The following RERE variants were observed in gnomAD, a reference collection of about 807,000 sequenced individuals.
RERE encodes arginine-glutamic acid dipeptide repeats protein.
RERE carries 40 observed loss-of-function variants against 146.1 expected under a neutral mutation model. The ratio of observed to expected loss-of-function variants is 0.27; its 90% CI spans 0.21 to 0.36. The LOEUF (loss-of-function observed/expected upper bound fraction) is 0.36, where lower values mean the gene tolerates loss of function less well. Ranked by LOEUF, RERE falls within the 10% of genes least tolerant of loss-of-function variation. RERE has a pLI of 1.00. For synonymous variants in RERE, 1,003 were observed against 866.0 expected (o/e 1.16, Z -2.78); for missense variants, 1,933 against 2,138.7 (o/e 0.90, Z 1.90).
At chr1:8,654,046 G>C (rs980190287) in intron 2 of RERE, among the ~76,000 whole-genome samples, 47 of 151,140 alleles carry the variant, frequency 3.1e-4, no homozygotes, top group Admixed American at 7.2e-4. Context: ...TTTTTTGCGG[G>C]GGGGAGGGGT....
At chr1:8,365,503 C>A (rs775074606) in intron 13 of RERE, among the ~76,000 whole-genome samples, 3 of 152,196 alleles carry the variant, frequency 2.0e-5, no homozygotes, top group Non-Finnish European at 2.9e-5. Flanking sequence ...GGAAAACCTT[C>A]CCAGGACAAG....
chr1:8,549,912 G>A (rs1645913305), intron 6 of RERE, among the ~76,000 whole-genome samples: 1 of 152,192 alleles, frequency 6.6e-6, no homozygotes, highest in Admixed American at 6.5e-5. Flanking sequence ...GTCATGAATG[G>A]TAAGGAAAGA....
At chr1:8,604,355 G>A (rs1646671745) in intron 4 of RERE, among the ~76,000 whole-genome samples, 1 of 152,068 alleles carries the variant, frequency 6.6e-6, no homozygotes, top group African/African-American at 2.4e-5. Flanking sequence ...TTTTCAAATA[G>A]AAAGTTAAAA....
At chr1:8,362,061 G>C (rs1297268915) in intron 16 of RERE, among the ~76,000 whole-genome samples, 185 bp from the exon 17 acceptor site, 2 of 152,244 alleles carry the variant, frequency 1.3e-5, no homozygotes, top group Non-Finnish European at 2.9e-5. Context: ...GGGAATGAGA[G>C]CCAGCCCTCT....
intron 1 of RERE, among the ~76,000 whole-genome samples, chr1:8,796,003 A>C (rs1263893442): frequency 6.7e-6 from 1 of 149,852 alleles, no homozygotes; most frequent in Non-Finnish European, 1.5e-5. Context: ...AAAAAACAAA[A>C]CAAAACAGGA....
At chr1:8,571,199 G>A (rs1371308055) in intron 4 of RERE, among the ~76,000 whole-genome samples, 1 of 151,988 alleles carries the variant, frequency 6.6e-6, no homozygotes. Context: ...TGAGAAAACT[G>A]GCATCATTAA....
chr1:8,385,484 A>G (rs1017387756), intron 12 of RERE, among the ~76,000 whole-genome samples: 1 of 152,158 alleles, frequency 6.6e-6, no homozygotes, highest in African/African-American at 2.4e-5. Flanking sequence ...GCAGGCTACC[A>G]CGGAGTTTTA....
At chr1:8,764,540 T>C (rs1640813920) in intron 1 of RERE, among the ~76,000 whole-genome samples, 1 of 152,062 alleles carries the variant, frequency 6.6e-6, no homozygotes, top group Non-Finnish European at 1.5e-5. Flanking sequence ...AGATAAACAA[T>C]CACAACAACA....
intron 7 of RERE, among the ~76,000 whole-genome samples, chr1:8,530,657 C>T (rs1645632044): frequency 6.7e-6 from 1 of 149,242 alleles, no homozygotes; most frequent in South Asian, 2.1e-4. Flanking sequence ...CATATCTAGA[C>T]ATGGAACTGA....
intron 1 of RERE, chr1:8,786,378 C>T: frequency 1.2e-6 from 1 of 841,822 alleles, no homozygotes; most frequent in African/African-American, 1.7e-5. Context: ...GAATCAGATC[C>T]TCCATGCAGA....
intron 7 of RERE, among the ~76,000 whole-genome samples, chr1:8,532,233 T>A (rs1322416243): frequency 6.6e-6 from 1 of 152,240 alleles, no homozygotes; most frequent in Non-Finnish European, 1.5e-5. Context: ...TTAAACATTT[T>A]ACATTCATGT....
chr1:8,727,149 C>T (rs1156810501), intron 1 of RERE, among the ~76,000 whole-genome samples: 3 of 148,204 alleles, frequency 2.0e-5, no homozygotes, highest in Non-Finnish European at 3.0e-5. Flanking sequence ...TTTTGGAGGG[C>T]GCGGGGTGGG....
At chr1:8,752,890 C>T (rs1449033276) in intron 1 of RERE, among the ~76,000 whole-genome samples, 2 of 151,852 alleles carry the variant, frequency 1.3e-5, no homozygotes, top group Non-Finnish European at 2.9e-5. Flanking sequence ...TTTAAAGAAA[C>T]TTTTGATTAG....
chr1:8,749,199 C>A (rs1372807222), intron 1 of RERE, among the ~76,000 whole-genome samples: 1 of 152,102 alleles, frequency 6.6e-6, no homozygotes, highest in Non-Finnish European at 1.5e-5. Context: ...CGCTCCTAAC[C>A]ACCTCATGCT....
intron 12 of RERE, among the ~76,000 whole-genome samples, chr1:8,372,420 A>C (rs1642072861): frequency 6.6e-6 from 1 of 151,694 alleles, no homozygotes; most frequent in Non-Finnish European, 1.5e-5. Flanking sequence ...CCCCTGAGGA[A>C]GGGGAGGGAG....
chr1:8,808,639 T>C (rs924204036), intron 1 of RERE, among the ~76,000 whole-genome samples: 1 of 152,174 alleles, frequency 6.6e-6, no homozygotes, highest in African/African-American at 2.4e-5. Flanking sequence ...TAATAAGCAG[T>C]GGGCTGCAGA....
At chr1:8,691,133 T>G (rs907214962) in intron 1 of RERE, among the ~76,000 whole-genome samples, 8 of 152,112 alleles carry the variant, frequency 5.3e-5, no homozygotes, top group African/African-American at 1.9e-4. Flanking sequence ...CTTGACCTTG[T>G]GATCTGCCCG....
chr1:8,695,907 C>A (rs1272284595), intron 1 of RERE, among the ~76,000 whole-genome samples: 1 of 152,088 alleles, frequency 6.6e-6, no homozygotes, highest in Non-Finnish European at 1.5e-5. Flanking sequence ...AACCCCATTA[C>A]AAACTAAGCA....
intron 11 of RERE, 103 bp from the exon 12 acceptor site, chr1:8,422,910 G>A (rs1643931629): frequency 1.2e-6 from 1 of 865,336 alleles, no homozygotes; most frequent in Non-Finnish European, 1.9e-6. Flanking sequence ...CACAAAAAAA[G>A]TCTCGGCTAG....
Sources: allele counts gnomAD v4.1 joint callset (sites outside exome capture counted in the v4.1 genomes callset), GRCh38; gene constraint gnomAD v4.1.1; transcripts MANE v1.5; gene names NCBI Gene and HGNC (gene_info 2026-07-23, HGNC 2026-07-21).